The following SHANK2 variants were observed in gnomAD, a reference collection of about 807,000 sequenced individuals.
SHANK2 encodes the protein SH3 and multiple ankyrin repeat domains 2.
A neutral mutation model predicts 133.7 loss-of-function variants in SHANK2; 43 were observed. The observed-to-expected ratio is 0.32, with a 90% CI of 0.25 to 0.41. SHANK2 has a LOEUF of 0.41. SHANK2 is among the 10% of genes least tolerant of loss of function. The pLI is 1.00. For missense variants in SHANK2, 1,994 were observed against 2,235.8 expected (o/e 0.89, Z 2.18); for synonymous variants, 1,017 against 952.8 (o/e 1.07, Z -1.24).
At chr11:70,601,930 G>A (rs1177496893) in intron 17 of SHANK2, among the ~76,000 whole-genome samples, 1 of 152,218 alleles carries the variant, frequency 6.6e-6, no homozygotes, top group Admixed American at 6.5e-5. Context: ...CAGGTGGCTG[G>A]AACGCAGCTG....
chr11:70,911,790 A>G (rs1950195156), intron 10 of SHANK2, among the ~76,000 whole-genome samples: 1 of 152,060 alleles, frequency 6.6e-6, no homozygotes, highest in African/African-American at 2.4e-5. Context: ...TGGTGGTAGA[A>G]CTGGTCAGTG....
In SHANK2 at chr11:70,739,146, C is replaced by T. The variant is rs1946469418; in HGVS notation, c.1778-40383G>A. On this transcript the variant is annotated intron_variant, in intron 14 of 25. Transcript: ENST00000601538. The surrounding 1 kb of genome is among the most constrained non-coding windows in gnomAD (Gnocchi z 4.3). ...CCAGTGAGTTAGGCAGGTGGCATGG[C>T]TGAGCCCCATCAGGAGCCTGACCCA... 6.6e-6 allele frequency among the ~76,000 whole-genome samples: 1 copy of T among 152,200 alleles called. No individual in the cohort carries two copies. The highest frequency in any genetic ancestry group is 1.5e-5 in the Non-Finnish European group (1 of 68,038).
At chr11:70,769,803 G>A (rs909219124) in intron 14 of SHANK2, among the ~76,000 whole-genome samples, 8 of 149,728 alleles carry the variant, frequency 5.3e-5, no homozygotes, top group South Asian at 2.2e-4. Context: ...AGGCATGCAC[G>A]TATGTGCACA....
chr11:71,153,301 G>T (rs1952835462), intron 2 of SHANK2, among the ~76,000 whole-genome samples: 1 of 136,954 alleles, frequency 7.3e-6, no homozygotes, highest in Non-Finnish European at 1.6e-5. Flanking sequence ...GTCGGGGGCG[G>T]GGGAGAGGCC....
Position 70,471,386 on chromosome 11 carries a change from C to G in SHANK2, c.*1483G>C, listed in dbSNP as rs2058596436. 2.5e-6 allele frequency: 1 copy of G among 398,716 alleles called. No individual in the cohort carries two copies. Among genetic ancestry groups the G allele is most frequent in the Non-Finnish European group, 4.4e-6 (1 of 226,052 alleles). The allele number at this position is 398,716 out of a possible 1,614,324, so 24.7% of individuals were successfully genotyped here. A position where few individuals can be genotyped will look rare whatever the true frequency, so the allele number is the denominator to read the frequency against. On this transcript the variant is annotated 3_prime_UTR_variant, in exon 26 of 26. Coordinates refer to ENST00000601538, the MANE Select transcript of SHANK2 (RefSeq NM_012309.5). The surrounding 1 kb of genome is among the most constrained non-coding windows in gnomAD (Gnocchi z 4.1). ...CAAATGGGGGAGAATGTGCTGGAAG[C>G]CTGACTGTGTGTTTTGCGGCCCATG... is the stretch of plus-strand genomic sequence containing the variant.
Position 70,468,810 on chromosome 11 carries a change from T to A in SHANK2, c.*4059A>T, listed in dbSNP as rs1399958994. 6.6e-6 allele frequency: 1 copy of A among 152,234 alleles called. No homozygotes were observed. The highest frequency in any genetic ancestry group is 1.5e-5 in the Non-Finnish European group (1 of 68,048). The allele number at this position is 152,234 out of a possible 1,614,324, so 9.4% of individuals were successfully genotyped here. ...GAATGTGCCAAAGTAGAAGAAACTT[T>A]AGGAACTAAAGACAACAAGTTTTCA... On this transcript the variant is annotated 3_prime_UTR_variant, in exon 26 of 26. Coordinates refer to ENST00000601538, the MANE Select transcript of SHANK2 (RefSeq NM_012309.5).
At chr11:71,243,399 A>G (rs879980860) in intron 1 of SHANK2, among the ~76,000 whole-genome samples, 8 of 152,244 alleles carry the variant, frequency 5.3e-5, no homozygotes, top group African/African-American at 1.9e-4. Context: ...AACTTACAGA[A>G]TTAAAAGGAG....
intron 17 of SHANK2, among the ~76,000 whole-genome samples, chr11:70,599,919 GAAAGAAAGAAAGAA>G (rs1241331857): frequency 4.4e-4 from 26 of 59,170 alleles, no homozygotes; most frequent in Non-Finnish European, 7.7e-4. Context: ...AAGAAAGAAA[GAAAGAAAGAAAGAA>G]AGAAAGAAAG....
chr11:70,842,241 G>A (rs1167750245), intron 11 of SHANK2, among the ~76,000 whole-genome samples: 1 of 152,084 alleles, frequency 6.6e-6, no homozygotes, highest in African/African-American at 2.4e-5. Flanking sequence ...AAAATTTGAC[G>A]ATGGTTTTGC....
intron 17 of SHANK2, among the ~76,000 whole-genome samples, chr11:70,616,922 G>T (rs533028358): frequency 6.6e-6 from 1 of 152,224 alleles, no homozygotes. Flanking sequence ...GCAGAGCCGT[G>T]TGTGCTCCTG....
intron 2 of SHANK2, among the ~76,000 whole-genome samples, chr11:71,206,451 G>A (rs1050344881): frequency 3.3e-5 from 5 of 152,082 alleles, no homozygotes; most frequent in Non-Finnish European, 2.9e-5. Context: ...GGAAGCACAG[G>A]AGCGTAAATA....
At chr11:70,605,699 G>C (rs781938698) in intron 17 of SHANK2, among the ~76,000 whole-genome samples, 4 of 152,222 alleles carry the variant, frequency 2.6e-5, no homozygotes, top group Non-Finnish European at 5.9e-5. Context: ...TCAACTGCAC[G>C]TTTCCCTGGG....
At chr11:70,932,681 T>C (rs1195686635) in intron 10 of SHANK2, among the ~76,000 whole-genome samples, 3 of 152,170 alleles carry the variant, frequency 2.0e-5, no homozygotes, top group African/African-American at 7.2e-5. Context: ...AGAGACCCCA[T>C]GTGGGGACCA....
At chr11:71,177,125 A>AAGACTTTTCAAACATAT (rs141500311) in intron 2 of SHANK2, among the ~76,000 whole-genome samples, 34,075 of 152,074 alleles carry the variant, frequency 0.22, 4,062 homozygotes, top group South Asian at 0.28. Context: ...TTCAGAAATG[A>AAGACTTTTCAAACATAT]AGTAGCCGAA....
chr11:70,888,290 A>T (rs1949778641), intron 11 of SHANK2, among the ~76,000 whole-genome samples: 1 of 152,100 alleles, frequency 6.6e-6, no homozygotes, highest in African/African-American at 2.4e-5. Context: ...GAAATCCAGA[A>T]ATCCCTGGCT....
intron 11 of SHANK2, chr11:70,864,286 T>C (rs77797940): frequency 0.025 from 4,126 of 165,022 alleles, 80 homozygotes; most frequent in Non-Finnish European, 0.035. Flanking sequence ...GAAAGAAAAA[T>C]TGAGGGAGAT....
chr11:70,720,140 T>C lies in SHANK2; in HGVS notation c.1778-21377A>G, dbSNP rs566222528. Reference sequence around the variant, plus strand: ...AGCTCCATGAGGGCAGGGTCCACGTTGCCCCTGGACACAGCTGCACCCCCA... The same window carrying C: ...AGCTCCATGAGGGCAGGGTCCACGTCGCCCCTGGACACAGCTGCACCCCCA... On this transcript the variant is annotated intron_variant, in intron 14 of 25. Transcript: ENST00000601538. 9.8e-5 allele frequency among the ~76,000 whole-genome samples: 15 copies of C among 152,292 alleles called. No homozygotes were observed. The East Asian group carries it at 2.7e-3, about 28-fold the overall frequency.
intron 11 of SHANK2, among the ~76,000 whole-genome samples, chr11:70,886,219 T>A (rs951711221): frequency 6.6e-6 from 1 of 152,222 alleles, no homozygotes; most frequent in Non-Finnish European, 1.5e-5. Context: ...TGCTCCCATA[T>A]GCCTTGAAAC....
At chr11:70,858,804 A>T in intron 11 of SHANK2, among the ~76,000 whole-genome samples, 1 of 152,130 alleles carries the variant, frequency 6.6e-6, no homozygotes, top group East Asian at 1.9e-4. Context: ...TCACACCTCC[A>T]TCTGGTTATC....
Sources: allele counts gnomAD v4.1 joint callset (sites outside exome capture counted in the v4.1 genomes callset), GRCh38; gene constraint gnomAD v4.1.1; non-coding constraint Gnocchi (gnomAD v3.1); transcripts MANE v1.5; gene names NCBI Gene and HGNC (gene_info 2026-07-23, HGNC 2026-07-21).